The following ZSWIM4 variants were observed in gnomAD, a reference collection of about 807,000 sequenced individuals.
The protein encoded by ZSWIM4 is zinc finger SWIM domain-containing protein 4.
ZSWIM4 carries 62 observed loss-of-function variants against 102.5 expected under a neutral mutation model. That is an observed-to-expected ratio of 0.60 (90% CI 0.49 to 0.75). ZSWIM4 has a LOEUF of 0.75. Among genes scored for constraint, ZSWIM4 ranks in the 30% least tolerant of loss-of-function variants. The pLI, the probability that ZSWIM4 is intolerant of heterozygous loss-of-function variation, is 0.00. For missense variants in ZSWIM4, 1,280 were observed against 1,529.6 expected (o/e 0.84, Z 2.72); for synonymous variants, 652 against 674.5 (o/e 0.97, Z 0.52).
At chr19:13,826,959 G>A (rs2145376666) in intron 12 of ZSWIM4, among the ~76,000 whole-genome samples, 1 of 152,062 alleles carries the variant, frequency 6.6e-6, no homozygotes, top group South Asian at 2.1e-4. Flanking sequence ...TAAGGGGCGG[G>A]GCCTCAAAGG....
Position 13,799,280 on chromosome 19 carries a change from T to G in ZSWIM4, c.154-440T>G, listed in dbSNP as rs1974692736. Among the ~76,000 whole-genome samples the G allele has an allele frequency of 8.1e-5, 12 of 148,732 alleles. No homozygotes were observed. In the South Asian group the frequency reaches 2.6e-3, roughly 32 times the overall value. On this transcript the variant is annotated intron_variant, in intron 1 of 13. Coordinates refer to ENST00000590508, the MANE Select transcript of ZSWIM4 (RefSeq NM_001367834.3). ...TATTTTTTTATTTTTTTATCTTTTT[T>G]TTTTTTTTTTCGAGATGCAGTCTTG... is the stretch of plus-strand genomic sequence containing the variant.
At chr19:13,817,411 C>T (rs1223819968) in intron 8 of ZSWIM4, 58 bp downstream of exon 8, 2 of 1,574,012 alleles carry the variant, frequency 1.3e-6, no homozygotes, top group African/African-American at 1.3e-5. Flanking sequence ...TTGGCCACGC[C>T]CCCTGGCCCA....
rs1449166812 is a variant in ZSWIM4, at chr19:13,830,569, C to T, written c.2840C>T (p.Ala947Val). The change falls in exon 14 of 14, where the codon GCG becomes GTG. Residue 947 changes from alanine (A) to valine (V), a missense_variant. By Grantham distance (64) the Ala-to-Val change is moderately conservative (BLOSUM62 0). Coordinates refer to ENST00000590508, the MANE Select transcript of ZSWIM4 (RefSeq NM_001367834.3). Reference sequence around the variant, plus strand: ...TACAAGCTGGCGACGCTGGCCCTGGCGCAGCTCAGCATCGCCTTCAACCAG... The same window carrying T: ...TACAAGCTGGCGACGCTGGCCCTGGTGCAGCTCAGCATCGCCTTCAACCAG... The part of the protein sequence containing the change: ...RAYKLATLAL[A>V]QLSIAFNQDS... 1 of 1,599,728 alleles carries T rather than the reference C, an allele frequency of 6.3e-7. No homozygotes were observed. Among genetic ancestry groups the T allele is most frequent in the South Asian group, 1.1e-5 (1 of 91,068 alleles).
At chr19:13,829,452 G>A (rs1315036933) in intron 13 of ZSWIM4, among the ~76,000 whole-genome samples, 2 of 152,164 alleles carry the variant, frequency 1.3e-5, no homozygotes, top group Non-Finnish European at 1.5e-5. Context: ...TTAGCCAGAT[G>A]TGGTGGCAGG....
intron 1 of ZSWIM4, among the ~76,000 whole-genome samples, chr19:13,797,332 C>T (rs1043316079): frequency 1.3e-5 from 2 of 152,162 alleles, no homozygotes; most frequent in African/African-American, 2.4e-5. Context: ...GTGGCCAGGA[C>T]ACCCCCTCCC....
chr19:13,810,711 G>A (rs1170555702), intron 5 of ZSWIM4, among the ~76,000 whole-genome samples: 1 of 151,704 alleles, frequency 6.6e-6, no homozygotes, highest in Non-Finnish European at 1.5e-5. Context: ...CTGGGTTCAT[G>A]CCATTCTCCT....
Position 13,795,743 on chromosome 19 carries a change from C to T in ZSWIM4, c.95C>T (p.Pro32Leu). ...GAGAARGRGR[P>L]EALLDLSAKR... is the part of the protein sequence containing the mutation. The stretch of plus-strand genomic sequence containing the variant: ...GGGGCCGCGCGTGGCCGGGGCCGGC[C>T]CGAGGCGCTGCTGGACCTCAGCGCC... Residue 32 changes from proline (P) to leucine (L), a missense_variant, in exon 1 of 14, where the codon CCC (proline) becomes CTC (leucine). Coordinates refer to ENST00000590508, the MANE Select transcript of ZSWIM4 (RefSeq NM_001367834.3). The T allele has an allele frequency of 8.1e-7, 1 of 1,227,246 alleles. No individual in the cohort carries two copies. The highest frequency in any genetic ancestry group is 1.0e-6 in the Non-Finnish European group (1 of 984,160). The allele number at this position is 1,227,246 out of a possible 1,614,324, so 76.0% of individuals were successfully genotyped here. A position where few individuals can be genotyped will look rare whatever the true frequency, so the allele number is the denominator to read the frequency against.
At position 13,831,624 on chromosome 19, in the gene ZSWIM4, C is replaced by T. The variant is rs1975770182; in HGVS notation, c.*574C>T. ...TCCTATCCGGCCAGGACCCCCATTT[C>T]CTTGGGCACTAGGGTCCCAGGGTGG... On this transcript the variant is annotated 3_prime_UTR_variant, in exon 14 of 14. Transcript: ENST00000590508. The T allele has an allele frequency of 6.5e-6, 1 of 152,862 alleles. No homozygotes were observed. Among genetic ancestry groups the T allele is most frequent in the African/African-American group, 2.4e-5 (1 of 41,416 alleles). The allele number at this position is 152,862 out of a possible 1,614,324, so 9.5% of individuals were successfully genotyped here. A position where few individuals can be genotyped will look rare whatever the true frequency, so the allele number is the denominator to read the frequency against.
At chr19:13,806,645 A>G (rs1974926987) in intron 3 of ZSWIM4, among the ~76,000 whole-genome samples, 1 of 151,750 alleles carries the variant, frequency 6.6e-6, no homozygotes, top group Non-Finnish European at 1.5e-5. Context: ...ACCTGATGAC[A>G]GACTGAGACC....
chr19:13,800,153 C>T (rs1174147722), intron 2 of ZSWIM4, among the ~76,000 whole-genome samples: 1 of 146,434 alleles, frequency 6.8e-6, no homozygotes, highest in African/African-American at 2.6e-5. Flanking sequence ...CTGCAAGCTC[C>T]GCCTCCTGGG....
At chr19:13,814,969 C>A in intron 7 of ZSWIM4, 104 bp downstream of exon 7, 3 of 611,152 alleles carry the variant, frequency 4.9e-6, no homozygotes, top group South Asian at 2.5e-5. Context: ...TCAGCCTGGG[C>A]AACATAGTGA....
intron 3 of ZSWIM4, among the ~76,000 whole-genome samples, chr19:13,806,240 C>A (rs62124252): frequency 1 from 151,480 of 151,482 alleles, 75,739 homozygotes; most frequent in Non-Finnish European, 1. Flanking sequence ...CAGGGGTTTC[C>A]CCATGTTGGC....
chr19:13,815,525 C>T (rs1371219399), intron 7 of ZSWIM4, among the ~76,000 whole-genome samples: 5 of 121,020 alleles, frequency 4.1e-5, no homozygotes, highest in South Asian at 2.8e-4. Context: ...GTCTGGAGTG[C>T]AGTGGCGCAA....
intron 2 of ZSWIM4, among the ~76,000 whole-genome samples, chr19:13,802,430 A>G (rs1599581775): frequency 6.6e-6 from 1 of 151,828 alleles, no homozygotes; most frequent in South Asian, 2.1e-4. Context: ...AGATACAAAA[A>G]TTAGCCAGGT....
In ZSWIM4 at chr19:13,830,506, C is replaced by T; in HGVS notation, c.2777C>T (p.Ala926Val). 1 of 1,600,422 alleles carries T rather than the reference C, an allele frequency of 6.2e-7. No homozygotes were observed. The highest frequency in any genetic ancestry group is 8.5e-7 in the Non-Finnish European group (1 of 1,179,536). Residue 926 changes from alanine (A) to valine (V), a missense_variant, in exon 14 of 14, where the codon GCC becomes GTC. By Grantham distance (64) the Ala-to-Val change is moderately conservative. Transcript: ENST00000590508. ...GLGHAHLFTV[A>V]RYMEHRGLPL... Reference sequence around the variant, plus strand: ...GGCCACGCCCACCTCTTCACTGTGGCCCGCTATATGGAGCACCGCGGGCTG... The same window carrying T: ...GGCCACGCCCACCTCTTCACTGTGGTCCGCTATATGGAGCACCGCGGGCTG...
In ZSWIM4 at chr19:13,809,070, G is replaced by A. The variant is rs747705445; in HGVS notation, c.862G>A (p.Val288Met). 7.4e-6 allele frequency: 12 copies of A among 1,612,600 alleles called. No individual in the cohort carries two copies. The highest frequency in any genetic ancestry group is 1.3e-5 in the African/African-American group (1 of 75,046). The change falls in exon 5 of 14, where the codon GTG (valine) becomes ATG (methionine). Residue 288 changes from valine (V) to methionine (M), a missense_variant and splice_region_variant. Val to Met is a conservative substitution (Grantham distance 21). Coordinates refer to ENST00000590508, the MANE Select transcript of ZSWIM4 (RefSeq NM_001367834.3). The surrounding 1 kb of genome is among the most constrained non-coding windows in gnomAD (Gnocchi z 4.2). ...CCTCACCACCCTGTCCCCGGCACAGGTGCGGGAGATGCTGCGAATGCGGGA... is the reference window on the plus strand; with the variant it reads ...CCTCACCACCCTGTCCCCGGCACAGATGCGGGAGATGCTGCGAATGCGGGA... The part of the protein sequence containing the change: ...SQQLRSMFSK[V>M]REMLRMRDSN...
At position 13,814,725 on chromosome 19, in the gene ZSWIM4, T is replaced by C; in HGVS notation, c.1391T>C (p.Phe464Ser). 1 of 1,288,424 alleles carries C rather than the reference T, an allele frequency of 7.8e-7. No homozygotes were observed. The highest frequency in any genetic ancestry group is 1.0e-6 in the Non-Finnish European group (1 of 987,914). The allele number at this position is 1,288,424 out of a possible 1,614,324, so 79.8% of individuals were successfully genotyped here. A position where few individuals can be genotyped will look rare whatever the true frequency, so the allele number is the denominator to read the frequency against. The change falls in exon 7 of 14, where the codon TTC becomes TCC. Residue 464 changes from phenylalanine to serine, a missense_variant. Transcript: ENST00000590508. ...CGCCCACTGTGGCTGGGAGAACCTT[T>C]CCCCACTGCCTGTGCCCGTGTGGAC... ...QGRPLWLGEP[F>S]PTACARVDTL...
chr19:13,831,030 G>A lies in ZSWIM4; in HGVS notation c.3301G>A (p.Val1101Met). 1 of 1,595,068 alleles carries A rather than the reference G, an allele frequency of 6.3e-7. No individual in the cohort carries two copies. Among genetic ancestry groups the A allele is most frequent in the Non-Finnish European group, 8.5e-7 (1 of 1,171,770 alleles). The change falls in exon 14 of 14, where the codon GTG becomes ATG. Residue 1101 changes from valine (V) to methionine (M), a missense_variant. Transcript: ENST00000590508. ...GGGCAAGAAGAAACTCATGCTTTTG[G>A]TGCGGGAGCGTTTTGGTTGAGGGAC... Reference protein sequence around the residue: ...YKGKKKLMLLVRERFG With the variant: ...YKGKKKLMLLMRERFG
At chr19:13,805,927 C>T (rs960998232) in intron 3 of ZSWIM4, among the ~76,000 whole-genome samples, 6 of 148,206 alleles carry the variant, frequency 4.0e-5, no homozygotes, top group Admixed American at 6.8e-5. Context: ...GCTGACATCG[C>T]GCCATTGCAC....
Sources: gnomAD v4.1 joint callset for allele counts (sites outside exome capture counted in the v4.1 genomes callset) on GRCh38, gnomAD v4.1.1 for gene constraint, Gnocchi (gnomAD v3.1) non-coding constraint, MANE v1.5 for transcripts, NCBI Gene and HGNC (gene_info 2026-07-23, HGNC 2026-07-21) for gene names.